CDC123: variants seen among roughly 807,000 people sequenced by gnomAD.
CDC123 encodes translation initiation factor eIF2 assembly protein.
Under a neutral mutation model 54.4 loss-of-function variants are expected in CDC123, and 37 were observed. That is an observed-to-expected ratio of 0.68 (90% CI 0.52 to 0.89). CDC123 has a LOEUF of 0.89. Among genes scored for constraint, CDC123 ranks in the 40% least tolerant of loss-of-function variants. The pLI, the probability that CDC123 is intolerant of heterozygous loss-of-function variation, is 0.00. For synonymous variants in CDC123, 144 were observed against 136.8 expected, an observed-to-expected ratio of 1.05 and a Z score of -0.37; for missense variants, 361 against 412.1, an observed-to-expected ratio of 0.88 and a Z score of 1.07.
chr10:12,234,937 T>C, intron 7 of CDC123, 111 bp from the exon 8 acceptor site: 1 of 764,368 alleles, frequency 1.3e-6, no homozygotes. Context: ...GCCTCTTTTT[T>C]TAAAACCATT....
chr10:12,200,807 C>T (rs1156253712), intron 2 of CDC123, among the ~76,000 whole-genome samples: 1 of 152,116 alleles, frequency 6.6e-6, no homozygotes, highest in Non-Finnish European at 1.5e-5. Flanking sequence ...GTGGTGGGCA[C>T]CTCTGATTCC....
At position 12,250,353 on chromosome 10, in the gene CDC123, TG is replaced by T; in HGVS notation, c.*18del. On this transcript the variant is annotated 3_prime_UTR_variant, in exon 13 of 13. Transcript: ENST00000281141. ...GGACGACTGATGAGCGTACTGGAAC[TG>T]GAGAAGAGGAGGCCCCGCCCCACCG... The T allele has an allele frequency of 6.3e-7, 1 of 1,595,340 alleles. No individual in the cohort carries two copies. The highest frequency in any genetic ancestry group is 8.6e-7 in the Non-Finnish European group (1 of 1,163,658).
At chr10:12,246,388 A>G (rs779248748) in intron 11 of CDC123, 111 bp downstream of exon 11, 61 of 1,243,914 alleles carry the variant, frequency 4.9e-5, no homozygotes, top group Non-Finnish European at 6.7e-5. Flanking sequence ...TGGGAAGCGC[A>G]GAGTGTAACA....
rs545923769 is a variant in CDC123, at chr10:12,206,776, G to A, written c.147-3191G>A. The stretch of plus-strand genomic sequence containing the variant: ...GATCGAGACCATCCTGGCCAACACG[G>A]TGAAACCCCATCTCTACTAAAAATG... On this transcript the variant is annotated intron_variant, in intron 2 of 12. Coordinates refer to ENST00000281141, the MANE Select transcript of CDC123 (RefSeq NM_006023.3). Among the ~76,000 whole-genome samples, 69 of 152,220 alleles carry A rather than the reference G, an allele frequency of 4.5e-4. 2 individuals are homozygous for A. The South Asian group carries it at 0.014, about 30-fold the overall frequency.
At chr10:12,226,418 G>C (rs1356955556) in intron 6 of CDC123, among the ~76,000 whole-genome samples, 1 of 152,020 alleles carries the variant, frequency 6.6e-6, no homozygotes, top group Non-Finnish European at 1.5e-5. Flanking sequence ...CCACCTCCTG[G>C]AGGGGGCAGC....
At chr10:12,205,539 A>G (rs1465348425) in intron 2 of CDC123, among the ~76,000 whole-genome samples, 1 of 152,182 alleles carries the variant, frequency 6.6e-6, no homozygotes, top group Non-Finnish European at 1.5e-5. Context: ...TCATATTTTG[A>G]TTCTTCACAA....
At chr10:12,236,007 A>G (rs916071347) in intron 8 of CDC123, among the ~76,000 whole-genome samples, 1 of 152,218 alleles carries the variant, frequency 6.6e-6, no homozygotes, top group African/African-American at 2.4e-5. Flanking sequence ...GAAAAAAGGA[A>G]TGTTTACTTT....
intron 7 of CDC123, among the ~76,000 whole-genome samples, chr10:12,231,377 CTT>C (rs778072638): frequency 5.6e-4 from 85 of 152,234 alleles, no homozygotes; most frequent in Non-Finnish European, 9.9e-4. Context: ...AATCCCAGCA[CTT>C]TGAGAGGCCG....
At chr10:12,250,148 C>A in intron 12 of CDC123, 163 bp from the exon 13 acceptor site, 1 of 508,370 alleles carries the variant, frequency 2.0e-6, no homozygotes. Flanking sequence ...GGATAATTTG[C>A]TCAGGAGTCA....
chr10:12,234,411 G>A (rs1025936415), intron 7 of CDC123, among the ~76,000 whole-genome samples: 1 of 152,192 alleles, frequency 6.6e-6, no homozygotes, highest in Non-Finnish European at 1.5e-5. Flanking sequence ...GTAGAGACGG[G>A]GTTTTACCAT....
intron 8 of CDC123, among the ~76,000 whole-genome samples, chr10:12,236,783 A>C (rs905927132): frequency 6.6e-6 from 1 of 152,048 alleles, no homozygotes; most frequent in African/African-American, 2.4e-5. Context: ...AATCCTTGCT[A>C]CTTGGGAGGC....
At chr10:12,205,594 T>C (rs968046781) in intron 2 of CDC123, among the ~76,000 whole-genome samples, 3 of 152,242 alleles carry the variant, frequency 2.0e-5, no homozygotes, top group East Asian at 1.9e-4. Context: ...AGATGGCATA[T>C]TGATGCAAAG....
At chr10:12,221,312 T>TC in intron 6 of CDC123, among the ~76,000 whole-genome samples, 1 of 152,180 alleles carries the variant, frequency 6.6e-6, no homozygotes, top group Admixed American at 6.6e-5. Flanking sequence ...CCTTCCACCA[T>TC]CCTTGACTTA....
At chr10:12,237,595 G>A (rs370228406) in intron 9 of CDC123, 3 of 155,532 alleles carry the variant, frequency 1.9e-5, no homozygotes, top group South Asian at 2.0e-4. Flanking sequence ...CACCACACCC[G>A]GCTAATTTTT....
intron 6 of CDC123, among the ~76,000 whole-genome samples, chr10:12,228,881 AT>A (rs1835862886): frequency 2.0e-5 from 3 of 151,538 alleles, no homozygotes; most frequent in Non-Finnish European, 4.4e-5. Flanking sequence ...CGCCTGGCTA[AT>A]TTTTGTATTT....
intron 6 of CDC123, among the ~76,000 whole-genome samples, chr10:12,225,855 C>T (rs1255973323): frequency 7.3e-6 from 1 of 137,176 alleles, no homozygotes; most frequent in Non-Finnish European, 1.5e-5. Flanking sequence ...GGAAGGTAAG[C>T]AGATAAACAT....
chr10:12,213,188 A>C (rs1835625064), intron 4 of CDC123, among the ~76,000 whole-genome samples: 1 of 152,236 alleles, frequency 6.6e-6, no homozygotes, highest in African/African-American at 2.4e-5. Flanking sequence ...ATCTTCACCC[A>C]AATTACTTAC....
At chr10:12,200,060 A>T (rs1453798918) in intron 2 of CDC123, among the ~76,000 whole-genome samples, 1 of 144,980 alleles carries the variant, frequency 6.9e-6, no homozygotes, top group Admixed American at 7.0e-5. Flanking sequence ...TGACCTCGTG[A>T]TCTGGCTGCC....
chr10:12,222,610 A>G (rs1345090651), intron 6 of CDC123, among the ~76,000 whole-genome samples: 4 of 152,236 alleles, frequency 2.6e-5, no homozygotes, highest in Admixed American at 2.6e-4. Flanking sequence ...TGAGTAGACA[A>G]GAAAACATTT....
Sources: allele counts gnomAD v4.1 joint callset (sites outside exome capture counted in the v4.1 genomes callset), GRCh38; gene constraint gnomAD v4.1.1; transcripts MANE v1.5; gene names NCBI Gene and HGNC (gene_info 2026-07-23, HGNC 2026-07-21).